The following MPPE1 variants were observed in gnomAD, a reference collection of about 807,000 sequenced individuals.
The protein encoded by MPPE1 is metallophosphoesterase 1.
Under a neutral mutation model 43.8 loss-of-function variants are expected in MPPE1, and 28 were observed. The ratio of observed to expected loss-of-function variants is 0.64; its 90% CI spans 0.47 to 0.88. The LOEUF (loss-of-function observed/expected upper bound fraction) is 0.88. MPPE1 is among the 40% of genes least tolerant of loss of function. The probability of loss-of-function intolerance (pLI) is 0.00; values close to 1 mark genes in which losing one functional copy is unlikely to be tolerated. For missense variants in MPPE1, 428 were observed against 492.2 expected (o/e 0.87, Z 1.23); for synonymous variants, 159 against 188.5 (o/e 0.84, Z 1.28).
Position 11,886,562 on chromosome 18 carries a change from T to C in MPPE1, c.804A>G (p.Ala268=), listed in dbSNP as rs1273658825. The change falls in exon 9 of 11, where the codon GCA becomes GCG. Residue 268 remains alanine, a synonymous_variant. Transcript: ENST00000588072. The surrounding 1 kb of genome is among the most constrained non-coding windows in gnomAD (Gnocchi z 4.1). The part of the protein sequence containing the change: ...ANCSGEDAAP[A]EERDIPFKEN... ...CCTTAAATGGGATGTCCCTTTCCTC[T>C]GCAGGAGCAGCGTCTTCCCCAGAAC... 1 of 1,614,210 alleles carries C rather than the reference T, an allele frequency of 6.2e-7. No homozygotes were observed. Among genetic ancestry groups the C allele is most frequent in the South Asian group, 1.1e-5 (1 of 91,084 alleles).
Position 11,886,892 on chromosome 18 carries a change from C to A in MPPE1, c.678+25G>T. 1 of 1,600,748 alleles carries A rather than the reference C, an allele frequency of 6.2e-7. No homozygotes were observed. Among genetic ancestry groups the A allele is most frequent in the East Asian group, 2.2e-5 (1 of 44,590 alleles). On this transcript the variant is annotated intron_variant, in intron 7 of 10. Coordinates refer to ENST00000588072, the MANE Select transcript of MPPE1 (RefSeq NM_023075.6). This position sits in a 1 kb window ranked among gnomAD's most constrained non-coding sequence, Gnocchi z 4.1. ...CGGAGCAACACGGGACAGAAGGCACCTGTGGCATTCAGATGCTCTCCTACC... is the reference window on the plus strand; with the variant it reads ...CGGAGCAACACGGGACAGAAGGCACATGTGGCATTCAGATGCTCTCCTACC...
At position 11,888,309 on chromosome 18, in the gene MPPE1, C is replaced by T. The variant is rs182125308; in HGVS notation, c.569+360G>A. On this transcript the variant is annotated intron_variant, in intron 6 of 10. Coordinates refer to ENST00000588072, the MANE Select transcript of MPPE1 (RefSeq NM_023075.6). ...ATAACTACGAGAACAGTCTTTGTAA[C>T]GTGAAATTAGTATATTTTGATCAAA... 3.2e-3 allele frequency among the ~76,000 whole-genome samples: 489 copies of T among 152,288 alleles called. 1 individual carries two copies. Among genetic ancestry groups the T allele is most frequent in the Non-Finnish European group, 3.6e-3 (247 of 68,040 alleles).
chr18:11,893,841 C>G (rs59240143), intron 3 of MPPE1, among the ~76,000 whole-genome samples: 14,128 of 152,106 alleles, frequency 0.093, 783 homozygotes, highest in African/African-American at 0.14. Flanking sequence ...CACTCTGCAC[C>G]CTGCAGCCAT....
Position 11,884,356 on chromosome 18 carries a change from A to T in MPPE1, c.*89T>A. 8.0e-7 allele frequency: 1 copy of T among 1,257,334 alleles called. No homozygotes were observed. The highest frequency in any genetic ancestry group is 1.1e-6 in the Non-Finnish European group (1 of 883,064). 77.9% of individuals were successfully genotyped at this position (1,257,334 alleles called of 1,614,324 possible). ...TGTGCTGTGCAGAGAGACGGCCTGT[A>T]ATTGGTCTCATCATCCACTTGATTC... On this transcript the variant is annotated 3_prime_UTR_variant, in exon 11 of 11. Transcript: ENST00000588072.
At position 11,882,684 on chromosome 18, in the gene MPPE1, C is replaced by CAAAAAA. The variant is rs5823181; in HGVS notation, c.*1755_*1760dup. Reference sequence around the variant, plus strand: ...CTGGACATCAAAGTGAGACTCAGGCCAAAAAAAAAAAAAAAAAAAACCTTG... The same window carrying CAAAAAA: ...CTGGACATCAAAGTGAGACTCAGGCCAAAAAAAAAAAAAAAAAAAAAAAAAACCTTG... On this transcript the variant is annotated 3_prime_UTR_variant, in exon 11 of 11. Transcript: ENST00000588072. 1.1e-5 allele frequency: 1 copy of CAAAAAA among 88,004 alleles called. No individual in the cohort carries two copies. Among genetic ancestry groups the CAAAAAA allele is most frequent in the Non-Finnish European group, 2.2e-5 (1 of 44,710 alleles). The allele number at this position is 88,004 out of a possible 1,614,324, so 5.5% of individuals were successfully genotyped here.
rs201590510 is a variant in MPPE1, at chr18:11,885,782, C to A, written c.902G>T (p.Ser301Ile). 77 of 1,612,782 alleles carry A rather than the reference C, an allele frequency of 4.8e-5. No individual in the cohort carries two copies. In the East Asian group the frequency reaches 1.0e-3, roughly 21 times the overall value. Residue 301 changes from serine to isoleucine, a missense_variant, in exon 10 of 11, where the codon AGT (serine) becomes ATT (isoleucine). By Grantham distance (142) the Ser-to-Ile change is moderately radical. Coordinates refer to ENST00000588072, the MANE Select transcript of MPPE1 (RefSeq NM_023075.6). ...CTCGCAGGCGCTGTGCGTGTGGCCACTGAGAACCAGGCGCGGCTGGAGCCA... is the reference window on the plus strand; with the variant it reads ...CTCGCAGGCGCTGTGCGTGTGGCCAATGAGAACCAGGCGCGGCTGGAGCCA... Reference protein sequence around the residue: ...LWWLQPRLVLSGHTHSACEVH... With the variant: ...LWWLQPRLVLIGHTHSACEVH...
At chr18:11,888,048 G>A (rs763646803) in intron 6 of MPPE1, among the ~76,000 whole-genome samples, 5 of 152,174 alleles carry the variant, frequency 3.3e-5, no homozygotes, top group Non-Finnish European at 7.3e-5. Context: ...TCTCCACCGC[G>A]TCTATAATCA....
chr18:11,885,534 T>A (rs1567922021), intron 10 of MPPE1, 142 bp downstream of exon 10: 2 of 949,744 alleles, frequency 2.1e-6, no homozygotes, highest in Admixed American at 5.1e-5. Flanking sequence ...CAAGGGGCAG[T>A]GTATGGAGCT....
intron 2 of MPPE1, among the ~76,000 whole-genome samples, chr18:11,898,928 G>A (rs536799195): frequency 6.8e-6 from 1 of 147,286 alleles, no homozygotes; most frequent in Non-Finnish European, 1.5e-5. Flanking sequence ...TTTTTTCTGA[G>A]ACAGAATCTC....
chr18:11,894,278 A>G (rs1009065361), intron 3 of MPPE1, among the ~76,000 whole-genome samples: 48 of 151,856 alleles, frequency 3.2e-4, no homozygotes, highest in African/African-American at 1.0e-3. Context: ...AATACAAAAA[A>G]CCAGCCATGC....
At chr18:11,906,540 C>T (rs952551103) in intron 1 of MPPE1, among the ~76,000 whole-genome samples, 1 of 152,132 alleles carries the variant, frequency 6.6e-6, no homozygotes, top group Non-Finnish European at 1.5e-5. Flanking sequence ...ATAATCACTG[C>T]AAGCCATAAT....
At chr18:11,901,774 G>A (rs2509833) in intron 2 of MPPE1, among the ~76,000 whole-genome samples, 49,057 of 151,896 alleles carry the variant, frequency 0.32, 10,234 homozygotes, top group African/African-American at 0.58. Context: ...AGGAGGTGGA[G>A]GTTGCAGTGA....
At chr18:11,885,062 A>G (rs1479202742) in intron 10 of MPPE1, 4 of 1,289,474 alleles carry the variant, frequency 3.1e-6, no homozygotes, top group Non-Finnish European at 4.0e-6. Context: ...ACATGTGTCC[A>G]GGTCGTCTCC....
In MPPE1 at chr18:11,885,699, T is replaced by C. The variant is rs766824046; in HGVS notation, c.985A>G (p.Arg329Gly). 6.2e-7 allele frequency: 1 copy of C among 1,613,618 alleles called. No individual in the cohort carries two copies. The highest frequency in any genetic ancestry group is 1.3e-5 in the African/African-American group (1 of 74,934). The change falls in exon 10 of 11, where the codon AGA becomes GGA. Residue 329 changes from arginine to glycine, a missense_variant. Physicochemically the swap from Arg to Gly is moderately radical, Grantham distance 125 (BLOSUM62 -2). Coordinates refer to ENST00000588072, the MANE Select transcript of MPPE1 (RefSeq NM_023075.6). Reference sequence around the variant, plus strand: ...ACCATGATGAAACTGGGGTTGTTTCTGTTCCTCCAACTGAAAGATGGGACG... The same window carrying C: ...ACCATGATGAAACTGGGGTTGTTTCCGTTCCTCCAACTGAAAGATGGGACG... ...LSVPSFSWRNRNNPSFIMGSI... is the reference protein window; with the variant it reads ...LSVPSFSWRNGNNPSFIMGSI...
chr18:11,893,165 C>G, intron 4 of MPPE1: 1 of 300,518 alleles, frequency 3.3e-6, no homozygotes, highest in Non-Finnish European at 6.2e-6. Flanking sequence ...CCGTTTCTCC[C>G]TTTCCCAAGA....
intron 5 of MPPE1, 136 bp downstream of exon 5, chr18:11,889,251 A>G: frequency 1.8e-6 from 1 of 569,490 alleles, no homozygotes; most frequent in Non-Finnish European, 3.1e-6. Flanking sequence ...AAAGAGTTTA[A>G]TATCCCAGAG....
chr18:11,896,183 C>G (rs2038597386), intron 3 of MPPE1, among the ~76,000 whole-genome samples: 1 of 146,546 alleles, frequency 6.8e-6, no homozygotes, highest in Non-Finnish European at 1.5e-5. Flanking sequence ...CTCACTGCAA[C>G]CTCTGCCTCC....
chr18:11,884,229 G>A lies in MPPE1; in HGVS notation c.*216C>T. The A allele has an allele frequency of 1.9e-6, 1 of 538,134 alleles. No homozygotes were observed. The highest frequency in any genetic ancestry group is 5.1e-4 in the Middle Eastern group (1 of 1,956). The allele number at this position is 538,134 out of a possible 1,614,324, so 33.3% of individuals were successfully genotyped here. A position where few individuals can be genotyped will look rare whatever the true frequency, so the allele number is the denominator to read the frequency against. ...TGATACATATATTTGATAAAAATGAGAAAACAGATTTGTTGTAGAGTACCT... is the reference window on the plus strand; with the variant it reads ...TGATACATATATTTGATAAAAATGAAAAAACAGATTTGTTGTAGAGTACCT... On this transcript the variant is annotated 3_prime_UTR_variant, in exon 11 of 11. Transcript: ENST00000588072.
intron 10 of MPPE1, chr18:11,884,907 GTTCCCATCAAATATA>G: frequency 7.7e-7 from 1 of 1,298,238 alleles, no homozygotes; most frequent in Non-Finnish European, 9.9e-7. Context: ...GGCTCACTGG[GTTCCCATCAAATATA>G]GTGGGGGATC....
Sources: gnomAD v4.1 joint callset for allele counts (sites outside exome capture counted in the v4.1 genomes callset) on GRCh38, gnomAD v4.1.1 for gene constraint, Gnocchi (gnomAD v3.1) non-coding constraint, MANE v1.5 for transcripts, NCBI Gene and HGNC (gene_info 2026-07-23, HGNC 2026-07-21) for gene names.